IGF2BP3: variants seen among roughly 807,000 people sequenced by gnomAD.
The protein encoded by IGF2BP3 is insulin like growth factor 2 mRNA binding protein 3, also known as insulin-like growth factor 2 mRNA-binding protein 3.
A neutral mutation model predicts 73.8 loss-of-function variants in IGF2BP3; 9 were observed. That is an observed-to-expected ratio of 0.12 (90% CI 0.07 to 0.21). IGF2BP3 has a LOEUF of 0.21. Ranked by LOEUF, IGF2BP3 falls within the 10% of genes least tolerant of loss-of-function variation. IGF2BP3 has a pLI of 1.00. For synonymous variants in IGF2BP3, 258 were observed against 256.7 expected (o/e 1.01, Z -0.05); for missense variants, 542 against 714.0 (o/e 0.76, Z 2.75).
At chr7:23,438,997 A>C (rs895528592) in intron 2 of IGF2BP3, among the ~76,000 whole-genome samples, 1 of 151,990 alleles carries the variant, frequency 6.6e-6, no homozygotes, top group Admixed American at 6.6e-5. Context: ...TGTAATCCTA[A>C]CATTTTGGGA....
chr7:23,412,842 C>CTTTTTTTTTTTTTTTTTTTTTTTTTT (rs557467066), intron 3 of IGF2BP3, among the ~76,000 whole-genome samples: 1 of 36,978 alleles, frequency 2.7e-5, no homozygotes, highest in Non-Finnish European at 4.8e-5. Context: ...AGACTCTGGC[C>CTTTTTTTTTTTTTTTTTTTTTTTTTT]TTTTTTTTTT....
In IGF2BP3 at chr7:23,438,857, T is replaced by C. The variant is rs139787492; in HGVS notation, c.237-20033A>G. On this transcript the variant is annotated intron_variant, in intron 2 of 14. Transcript: ENST00000258729. ...ATGTAAAATCTACTTAATAAACTCA[T>C]AAGACTGAGATGCTAAAAAAAATTT... Among the ~76,000 whole-genome samples, 682 of 152,276 alleles carry C rather than the reference T, an allele frequency of 4.5e-3. 3 individuals are homozygous for C. Among genetic ancestry groups the C allele is most frequent in the African/African-American group, 0.015 (628 of 41,562 alleles).
intron 5 of IGF2BP3, among the ~76,000 whole-genome samples, chr7:23,354,138 C>T (rs918028618): frequency 6.6e-5 from 10 of 152,102 alleles, no homozygotes; most frequent in Non-Finnish European, 1.0e-4. Flanking sequence ...GGATTACAGG[C>T]GCACGCCACC....
At chr7:23,354,668 T>A (rs1181494652) in intron 5 of IGF2BP3, among the ~76,000 whole-genome samples, 2 of 152,216 alleles carry the variant, frequency 1.3e-5, no homozygotes, top group African/African-American at 2.4e-5. Flanking sequence ...CTAACTTTTA[T>A]TGTGCTGCTT....
At chr7:23,356,091 T>A (rs1453084056) in intron 5 of IGF2BP3, among the ~76,000 whole-genome samples, 1 of 150,840 alleles carries the variant, frequency 6.6e-6, no homozygotes, top group Non-Finnish European at 1.5e-5. Flanking sequence ...TACCCAGGAG[T>A]CCACACATAC....
chr7:23,354,320 C>G (rs1043740190), intron 5 of IGF2BP3, among the ~76,000 whole-genome samples: 2 of 152,180 alleles, frequency 1.3e-5, no homozygotes, highest in African/African-American at 4.8e-5. Flanking sequence ...CGGGAATAAA[C>G]AGATCACTGA....
At position 23,428,526 on chromosome 7, in the gene IGF2BP3, AAAATATAT is replaced by A. The variant is rs1191780365; in HGVS notation, c.237-9710_237-9703del. Among the ~76,000 whole-genome samples, 373 of 145,442 alleles carry A rather than the reference AAAATATAT, an allele frequency of 2.6e-3. 1 individual carries two copies. Among genetic ancestry groups the A allele is most frequent in the African/African-American group, 9.1e-3 (358 of 39,346 alleles). On this transcript the variant is annotated intron_variant, in intron 2 of 14. Transcript: ENST00000258729. ...CTTTGATGCTGTATAAAAGAAAAAAAAAATATATATATATAATATATATTTTTAAAAAT... is the reference window on the plus strand; with the variant it reads ...CTTTGATGCTGTATAAAAGAAAAAAAATATATAATATATATTTTTAAAAAT...
intron 2 of IGF2BP3, among the ~76,000 whole-genome samples, chr7:23,429,677 G>C (rs545980341): frequency 2.4e-4 from 37 of 152,266 alleles, no homozygotes; most frequent in African/African-American, 8.2e-4. Flanking sequence ...TTGAAATTAA[G>C]TGGACAAGCT....
At chr7:23,425,831 G>A (rs1562745889) in intron 2 of IGF2BP3, among the ~76,000 whole-genome samples, 1 of 152,000 alleles carries the variant, frequency 6.6e-6, no homozygotes, top group Admixed American at 6.6e-5. Flanking sequence ...TGGCATAGTG[G>A]TGCATGCTTG....
intron 2 of IGF2BP3, among the ~76,000 whole-genome samples, chr7:23,440,154 T>C (rs1004834471): frequency 6.6e-6 from 1 of 151,916 alleles, no homozygotes; most frequent in Non-Finnish European, 1.5e-5. Flanking sequence ...TCCCAGCTAC[T>C]CGGGAGGCTG....
chr7:23,403,698 A>G (rs549274128), intron 3 of IGF2BP3, among the ~76,000 whole-genome samples: 19 of 152,310 alleles, frequency 1.2e-4, no homozygotes, highest in African/African-American at 4.6e-4. Context: ...AATTCAGCCA[A>G]TGGTAGCTGC....
chr7:23,390,738 C>T (rs767063733), intron 3 of IGF2BP3, among the ~76,000 whole-genome samples: 128 of 151,974 alleles, frequency 8.4e-4, no homozygotes, highest in Non-Finnish European at 1.3e-3. Context: ...ATACAACTTT[C>T]GTTTTTGAAA....
rs1784761786 is a variant in IGF2BP3 at position 23,343,567 on chromosome 7, C to A, written c.1077+151G>T. On this transcript the variant is annotated intron_variant, in intron 9 of 14. Transcript: ENST00000258729. ...CTTAATGTCAAAGCCAGTATCTTCC[C>A]TACTATCCCAGGGTACTTGCTGAGG... 5.8e-6 allele frequency: 4 copies of A among 693,210 alleles called. No homozygotes were observed. The South Asian group carries it at 7.3e-5, about 13-fold the overall frequency. 42.9% of individuals were successfully genotyped at this position (693,210 alleles called of 1,614,324 possible).
chr7:23,333,593 G>C (rs1382066878), intron 10 of IGF2BP3, among the ~76,000 whole-genome samples: 2 of 152,184 alleles, frequency 1.3e-5, no homozygotes, highest in African/African-American at 4.8e-5. Flanking sequence ...GTGGCCAGTA[G>C]ATAAGGGTCA....
In IGF2BP3 at chr7:23,321,056, C is replaced by T. The variant is rs192939039; in HGVS notation, c.1204-1802G>A. Among the ~76,000 whole-genome samples the T allele has an allele frequency of 3.7e-3, 559 of 151,866 alleles. 4 individuals are homozygous for T. The highest frequency in any genetic ancestry group is 0.013 in the African/African-American group (534 of 41,414). ...CTAGAAATATTAGAAGATATTTTGT[C>T]GGGAGGGAGGAGCCAAGATGGCCAA... On this transcript the variant is annotated intron_variant, in intron 10 of 14. Transcript: ENST00000258729.
At chr7:23,415,838 C>T (rs1457573460) in intron 3 of IGF2BP3, among the ~76,000 whole-genome samples, 2 of 152,192 alleles carry the variant, frequency 1.3e-5, no homozygotes, top group African/African-American at 2.4e-5. Flanking sequence ...TTTGTTCTTT[C>T]GCCTTTCAGC....
chr7:23,326,670 A>G (rs1583887590), intron 10 of IGF2BP3, among the ~76,000 whole-genome samples: 1 of 147,486 alleles, frequency 6.8e-6, no homozygotes, highest in Admixed American at 6.8e-5. Flanking sequence ...ACCAACCCAA[A>G]TGTCCAACAA....
chr7:23,390,467 A>G (rs904648735), intron 3 of IGF2BP3, among the ~76,000 whole-genome samples: 2 of 152,324 alleles, frequency 1.3e-5, no homozygotes, highest in East Asian at 3.9e-4. Context: ...AGATGAAGCC[A>G]CTGAGCTACA....
rs758658336 is a variant in IGF2BP3, at chr7:23,361,680, A to G, written c.337+10T>C. ...TTTACAAATTTGAAAGCAATTCAGA[A>G]GACATGTACCTTGCTCACAGCTCTC... On this transcript the variant is annotated intron_variant, in intron 4 of 14. Coordinates refer to ENST00000258729, the MANE Select transcript of IGF2BP3 (RefSeq NM_006547.3). The G allele has an allele frequency of 3.1e-6, 5 of 1,613,956 alleles. No homozygotes were observed. The highest frequency in any genetic ancestry group is 3.3e-5 in the Admixed American group (2 of 60,020).
Sources: gnomAD v4.1 joint callset for allele counts (sites outside exome capture counted in the v4.1 genomes callset) on GRCh38, gnomAD v4.1.1 for gene constraint, MANE v1.5 for transcripts, NCBI Gene and HGNC (gene_info 2026-07-23, HGNC 2026-07-21) for gene names.